PHLPP2: variants seen among roughly 807,000 people sequenced by gnomAD.
The protein encoded by PHLPP2 is PH domain and leucine rich repeat protein phosphatase 2, also known as PH domain leucine-rich repeat-containing protein phosphatase 2.
In PHLPP2, 66 loss-of-function variants were observed where a neutral mutation model predicts 124.9. That is an observed-to-expected ratio of 0.53 (90% CI 0.43 to 0.65). The LOEUF is 0.65. Ranked by LOEUF, PHLPP2 falls within the 30% of genes least tolerant of loss-of-function variation. The pLI, the probability that PHLPP2 is intolerant of heterozygous loss-of-function variation, is 0.00. For synonymous variants in PHLPP2, 681 were observed against 624.7 expected (o/e 1.09, Z -1.34); for missense variants, 1,685 against 1,600.4 (o/e 1.05, Z -0.90).
chr16:71,649,944 A>G lies in PHLPP2; in HGVS notation c.2918T>C (p.Leu973Pro), dbSNP rs140175974. 6.2e-7 allele frequency: 1 copy of G among 1,614,062 alleles called. No homozygotes were observed. The highest frequency in any genetic ancestry group is 1.7e-5 in the Admixed American group (1 of 59,998). Residue 973 changes from leucine (L) to proline (P), a missense_variant, in exon 19 of 19, where the codon CTG (leucine) becomes CCG (proline). Leu to Pro is a moderately conservative substitution (Grantham distance 98). Transcript: ENST00000568954. ...LPKPHISSTP[L>P]TIQDELLILG... is the part of the protein sequence containing the mutation. ...AATCAGCAACTCATCTTGAATGGTC[A>G]GCGGAGTGGAAGATATGTGGGGCTT...
chr16:71,657,313 G>C (rs910000772), intron 15 of PHLPP2, among the ~76,000 whole-genome samples: 1 of 151,476 alleles, frequency 6.6e-6, no homozygotes, highest in African/African-American at 2.4e-5. Context: ...CCTGACCTCA[G>C]GTGATCCACC....
intron 3 of PHLPP2, among the ~76,000 whole-genome samples, chr16:71,700,028 G>A (rs1186496661): frequency 1.3e-5 from 2 of 152,194 alleles, no homozygotes; most frequent in African/African-American, 2.4e-5. Context: ...GGGGTTGAGC[G>A]GGGTGGGCTG....
chr16:71,702,798 A>AATATTT, intron 2 of PHLPP2, 67 bp from the exon 3 acceptor site: 4 of 641,276 alleles, frequency 6.2e-6, no homozygotes, highest in Non-Finnish European at 6.6e-6. Flanking sequence ...TTAATTTTTT[A>AATATTT]GTATTTTTAT....
At chr16:71,687,560 T>G (rs1455328171) in intron 4 of PHLPP2, among the ~76,000 whole-genome samples, 1 of 152,192 alleles carries the variant, frequency 6.6e-6, no homozygotes, top group Non-Finnish European at 1.5e-5. Flanking sequence ...TGTGAAAATT[T>G]AACATGTTAT....
intron 15 of PHLPP2, among the ~76,000 whole-genome samples, chr16:71,656,982 G>A (rs1250744104): frequency 6.6e-6 from 1 of 151,264 alleles, no homozygotes; most frequent in Non-Finnish European, 1.5e-5. Context: ...TCCCTCTGTT[G>A]CCCAGGCTGG....
At chr16:71,656,498 G>A (rs895164471) in intron 16 of PHLPP2, 73 bp downstream of exon 16, 1 of 799,892 alleles carries the variant, frequency 1.3e-6, no homozygotes, top group African/African-American at 1.7e-5. Flanking sequence ...TAGCTATTAT[G>A]AGCATCAGGC....
intron 3 of PHLPP2, among the ~76,000 whole-genome samples, chr16:71,696,510 G>A (rs1189887742): frequency 6.6e-6 from 1 of 151,802 alleles, no homozygotes; most frequent in Non-Finnish European, 1.5e-5. Flanking sequence ...GGTGGTGGGT[G>A]CCTGTAGCTC....
At position 71,644,998 on chromosome 16, in the gene PHLPP2, G is replaced by C. The variant is rs374882737; in HGVS notation, c.*3892C>G. 3.4e-6 allele frequency: 1 copy of C among 296,474 alleles called. No homozygotes were observed. The highest frequency in any genetic ancestry group is 9.7e-5 in the East Asian group (1 of 10,300). 18.4% of individuals were successfully genotyped at this position (296,474 alleles called of 1,614,324 possible). A position where few individuals can be genotyped will look rare whatever the true frequency, so the allele number is the denominator to read the frequency against. Reference sequence around the variant, plus strand: ...GTTATTGTTATTTTTACAAACAATAGATTTGCTGCAACATGCTCTGGCTCA... The same window carrying C: ...GTTATTGTTATTTTTACAAACAATACATTTGCTGCAACATGCTCTGGCTCA... On this transcript the variant is annotated 3_prime_UTR_variant, in exon 19 of 19. Transcript: ENST00000568954.
chr16:71,672,540 A>G (rs1482312681), intron 9 of PHLPP2, among the ~76,000 whole-genome samples: 1 of 152,260 alleles, frequency 6.6e-6, no homozygotes, highest in Non-Finnish European at 1.5e-5. Flanking sequence ...GATCCTGTGT[A>G]CTGCACTGCC....
intron 10 of PHLPP2, among the ~76,000 whole-genome samples, chr16:71,671,971 C>T (rs2044897827): frequency 6.6e-6 from 1 of 152,172 alleles, no homozygotes; most frequent in South Asian, 2.1e-4. Context: ...TTCCAACTGA[C>T]AAAACGGGAA....
intron 13 of PHLPP2, among the ~76,000 whole-genome samples, chr16:71,660,699 C>T (rs911059505): frequency 2.0e-5 from 3 of 151,780 alleles, no homozygotes; most frequent in Non-Finnish European, 4.4e-5. Flanking sequence ...CCACTGCGCC[C>T]GGCCTATACA....
intron 4 of PHLPP2, among the ~76,000 whole-genome samples, chr16:71,688,065 T>G (rs1305111009): frequency 6.6e-6 from 1 of 152,194 alleles, no homozygotes; most frequent in Non-Finnish European, 1.5e-5. Flanking sequence ...GTTTGCCAAC[T>G]CATAGTCATC....
intron 16 of PHLPP2, among the ~76,000 whole-genome samples, chr16:71,656,248 G>A (rs1044455718): frequency 2.0e-5 from 3 of 152,116 alleles, no homozygotes; most frequent in Non-Finnish European, 2.9e-5. Context: ...CAGAAAGTGA[G>A]GCCATTCTAT....
At chr16:71,651,211 GC>G (rs1415600926) in intron 18 of PHLPP2, among the ~76,000 whole-genome samples, 2 of 152,074 alleles carry the variant, frequency 1.3e-5, no homozygotes, top group African/African-American at 4.8e-5. Context: ...AGTGGCGCAT[GC>G]CTATAGTCCC....
chr16:71,704,498 AT>A (rs2045259612), intron 2 of PHLPP2, among the ~76,000 whole-genome samples: 1 of 152,014 alleles, frequency 6.6e-6, no homozygotes, highest in Non-Finnish European at 1.5e-5. Context: ...CAAAATGATA[AT>A]TTTGGAACAG....
At position 71,678,769 on chromosome 16, in the gene PHLPP2, C is replaced by A. The variant is rs746067757; in HGVS notation, c.1254G>T (p.Lys418Asn). The A allele has an allele frequency of 1.5e-5, 24 of 1,584,226 alleles. No homozygotes were observed. Among genetic ancestry groups the A allele is most frequent in the Non-Finnish European group, 2.1e-5 (24 of 1,152,968 alleles). ...LGVLNRMNHI[K>N]HVDLRMNHLK... ...AATAACCTTACCTTAAATCCACATG[C>A]TTGATATGGTTCATCCTATTCAGCA... is the stretch of plus-strand genomic sequence containing the variant. Residue 418 changes from lysine to asparagine, a missense_variant, in exon 8 of 19, where the codon AAG becomes AAT. Physicochemically the swap from Lys to Asn is moderately conservative, Grantham distance 94. Transcript: ENST00000568954.
At chr16:71,665,887 T>C (rs1035492260) in intron 12 of PHLPP2, among the ~76,000 whole-genome samples, 1 of 152,260 alleles carries the variant, frequency 6.6e-6, no homozygotes, top group Non-Finnish European at 1.5e-5. Flanking sequence ...AGATTTTATT[T>C]TGAAGACTAT....
At chr16:71,670,100 G>T (rs988485882) in intron 10 of PHLPP2, among the ~76,000 whole-genome samples, 1 of 152,170 alleles carries the variant, frequency 6.6e-6, no homozygotes, top group South Asian at 2.1e-4. Context: ...TTGTACAAAG[G>T]CCTGAGGTGA....
At chr16:71,660,533 C>T (rs2044780213) in intron 13 of PHLPP2, among the ~76,000 whole-genome samples, 2 of 147,310 alleles carry the variant, frequency 1.4e-5, no homozygotes, top group Admixed American at 1.4e-4. Context: ...TCACACCATT[C>T]TCCTGTCTCA....
Sources: allele counts gnomAD v4.1 joint callset (sites outside exome capture counted in the v4.1 genomes callset), GRCh38; gene constraint gnomAD v4.1.1; transcripts MANE v1.5; gene names NCBI Gene and HGNC (gene_info 2026-07-23, HGNC 2026-07-21).